Variants in MOV10 observed in about 807,000 individuals in gnomAD.
MOV10 encodes RNA helicase MOV-10.
In MOV10, 39 loss-of-function variants were observed where a neutral mutation model predicts 108.4. The ratio of observed to expected loss-of-function variants is 0.36; its 90% CI spans 0.28 to 0.47. MOV10 has a LOEUF of 0.47. MOV10 is among the 20% of genes least tolerant of loss of function. The pLI is 1.00. For missense variants in MOV10, 952 were observed against 1,297.6 expected (o/e 0.73, Z 4.09); for synonymous variants, 490 against 523.1 (o/e 0.94, Z 0.86).
rs763074995 is a variant in MOV10, at chr1:112,700,461, G to A, written c.2966G>A (p.Gly989Glu). 3.1e-6 allele frequency: 5 copies of A among 1,613,922 alleles called. No homozygotes were observed. The Admixed American group carries it at 8.3e-5, about 27-fold the overall frequency. ...DYLPQEREGE[G>E]GLSLQVEPEW... ...CTCCCCCAGGAGCGGGAGGGTGAAG[G>A]GGGCCTGTCTCTGCAAGTGGAGCCA... The change falls in exon 21 of 21, where the codon GGG becomes GAG. Residue 989 changes from glycine to glutamate, a missense_variant. Coordinates refer to ENST00000369645, the MANE Select transcript of MOV10 (RefSeq NM_001321324.2).
chr1:112,688,523 A>C, intron 2 of MOV10: 1 of 1,091,622 alleles, frequency 9.2e-7, no homozygotes, highest in Non-Finnish European at 1.1e-6. Context: ...CTCTGAATCA[A>C]ATCATTCCGC....
chr1:112,695,295 C>A, intron 10 of MOV10, 121 bp from the exon 11 acceptor site: 1 of 961,380 alleles, frequency 1.0e-6, no homozygotes, highest in Non-Finnish European at 1.6e-6. Flanking sequence ...ACGGGTAGGG[C>A]ACTGCATGAA....
chr1:112,694,264 C>A lies in MOV10; in HGVS notation c.1295+92C>A, dbSNP rs1673855493. 5.9e-6 allele frequency: 9 copies of A among 1,526,618 alleles called. No individual in the cohort carries two copies. The South Asian group carries it at 1.0e-4, about 18-fold the overall frequency. 94.6% of individuals were successfully genotyped at this position (1,526,618 alleles called of 1,614,324 possible). ...GTGTTTCTCCCTGAGATAAATGAGACCCCGGGGCAGAGCAGGAGACTTTTC... is the reference window on the plus strand; with the variant it reads ...GTGTTTCTCCCTGAGATAAATGAGAACCCGGGGCAGAGCAGGAGACTTTTC... On this transcript the variant is annotated intron_variant, in intron 8 of 20. Transcript: ENST00000369645. This position sits in a 1 kb window ranked among gnomAD's most constrained non-coding sequence, Gnocchi z 4.1.
intron 19 of MOV10, 112 bp from the exon 20 acceptor site, chr1:112,700,107 C>T: frequency 1.3e-6 from 2 of 1,588,432 alleles, no homozygotes; most frequent in African/African-American, 1.3e-5. Flanking sequence ...CACAGCATCA[C>T]TATTGTATTT....
Position 112,694,434 on chromosome 1 carries a change from C to A in MOV10, c.1296-19C>A. 6.2e-7 allele frequency: 1 copy of A among 1,613,670 alleles called. No homozygotes were observed. The highest frequency in any genetic ancestry group is 8.5e-7 in the Non-Finnish European group (1 of 1,179,972). ...CTCCCCTGCCCCAACAAACTCTTAC[C>A]ACCTCTCTCTGCCCAAAGCCTCCTG... On this transcript the variant is annotated intron_variant, in intron 8 of 20. Transcript: ENST00000369645. This position sits in a 1 kb window ranked among gnomAD's most constrained non-coding sequence, Gnocchi z 4.1.
At chr1:112,688,301 A>G in intron 2 of MOV10, 1 of 975,820 alleles carries the variant, frequency 1.0e-6, no homozygotes, top group Non-Finnish European at 1.2e-6. Flanking sequence ...CCTTCTGACC[A>G]GTTTTCCCTG....
At chr1:112,685,669 A>AATAAC (rs1673018618) in intron 2 of MOV10, among the ~76,000 whole-genome samples, 1 of 150,820 alleles carries the variant, frequency 6.6e-6, no homozygotes, top group African/African-American at 2.4e-5. Flanking sequence ...AATAAAATAA[A>AATAAC]ATAAAATAAA....
chr1:112,686,666 T>C (rs981947461), intron 2 of MOV10, among the ~76,000 whole-genome samples: 2 of 152,212 alleles, frequency 1.3e-5, no homozygotes, highest in Non-Finnish European at 1.5e-5. Flanking sequence ...AAACGCATCA[T>C]ATCCAAATCC....
chr1:112,697,500 G>C lies in MOV10; in HGVS notation c.2199-494G>C, dbSNP rs191097286. Among the ~76,000 whole-genome samples the C allele has an allele frequency of 5.3e-5, 8 of 152,170 alleles. No individual in the cohort carries two copies. In the East Asian group the frequency reaches 1.5e-3, roughly 29 times the overall value. On this transcript the variant is annotated intron_variant, in intron 14 of 20. Transcript: ENST00000369645. ...AAGAAAGAAAAATAGGGAAGATACA[G>C]TTTTTTCATAAACCTATTGTTATTC...
chr1:112,694,271 G>A lies in MOV10; in HGVS notation c.1295+99G>A. On this transcript the variant is annotated intron_variant, in intron 8 of 20. Transcript: ENST00000369645. This position sits in a 1 kb window ranked among gnomAD's most constrained non-coding sequence, Gnocchi z 4.1. ...TCCCTGAGATAAATGAGACCCCGGGGCAGAGCAGGAGACTTTTCCTCAGGG... is the reference window on the plus strand; with the variant it reads ...TCCCTGAGATAAATGAGACCCCGGGACAGAGCAGGAGACTTTTCCTCAGGG... 6.6e-7 allele frequency: 1 copy of A among 1,509,960 alleles called. No homozygotes were observed. The highest frequency in any genetic ancestry group is 1.2e-5 in the South Asian group (1 of 85,296). The allele number at this position is 1,509,960 out of a possible 1,614,324, so 93.5% of individuals were successfully genotyped here. A position where few individuals can be genotyped will look rare whatever the true frequency, so the allele number is the denominator to read the frequency against.
chr1:112,688,239 T>G, intron 2 of MOV10: 1 of 484,720 alleles, frequency 2.1e-6, no homozygotes, highest in Non-Finnish European at 2.7e-6. Flanking sequence ...TCCGTAAGTG[T>G]TTGTTGAATT....
rs1672132090 is a variant in MOV10, at chr1:112,675,532, A to T, written c.137+483A>T. ...GGCGCTGCTGCCTCGGGGGTCCGCT[A>T]TCTGGGAGAACTGAAGAGGCCCAGG... On this transcript the variant is annotated intron_variant, in intron 2 of 20. Coordinates refer to ENST00000369645, the MANE Select transcript of MOV10 (RefSeq NM_001321324.2). The surrounding 1 kb of genome is among the most constrained non-coding windows in gnomAD (Gnocchi z 4.7). Among the ~76,000 whole-genome samples the T allele has an allele frequency of 6.6e-6, 1 of 152,192 alleles. No homozygotes were observed. The highest frequency in any genetic ancestry group is 2.4e-5 in the African/African-American group (1 of 41,446).
rs147402076 is a variant in MOV10, at chr1:112,682,617, G to A, written c.138-6318G>A. On this transcript the variant is annotated intron_variant, in intron 2 of 20. Transcript: ENST00000369645. ...TCACATCACTCCAGAAAGCTCCCTC[G>A]TGCCCTTTCCTAGTCAGTCCTCACT... 2.2e-3 allele frequency among the ~76,000 whole-genome samples: 330 copies of A among 152,244 alleles called. 2 individuals are homozygous for A. Among genetic ancestry groups the A allele is most frequent in the African/African-American group, 6.9e-3 (286 of 41,538 alleles).
In MOV10 at chr1:112,694,297, G is replaced by T; in HGVS notation, c.1295+125G>T. The T allele has an allele frequency of 3.5e-6, 5 of 1,408,988 alleles. No homozygotes were observed. Among genetic ancestry groups the T allele is most frequent in the Admixed American group, 1.8e-5 (1 of 54,430 alleles). The allele number at this position is 1,408,988 out of a possible 1,614,324, so 87.3% of individuals were successfully genotyped here. A position where few individuals can be genotyped will look rare whatever the true frequency, so the allele number is the denominator to read the frequency against. ...CAGAGCAGGAGACTTTTCCTCAGGG[G>T]TACCCTGAGATGCTACGGCAGCTTC... On this transcript the variant is annotated intron_variant, in intron 8 of 20. Coordinates refer to ENST00000369645, the MANE Select transcript of MOV10 (RefSeq NM_001321324.2). This position sits in a 1 kb window ranked among gnomAD's most constrained non-coding sequence, Gnocchi z 4.1.
At chr1:112,693,802 A>G (rs1673814371) in intron 7 of MOV10, 3 of 464,244 alleles carry the variant, frequency 6.5e-6, no homozygotes, top group Non-Finnish European at 1.2e-5. Context: ...TGGGCTCGGC[A>G]TCTCTGGGCA....
rs1323511187 is a variant in MOV10 at position 112,698,448 on chromosome 1, T to C, written c.2478T>C (p.Ser826=). ...KKGKARLSPR[S]VGVISPYRKQ... ...GCAAAGCTCGCCTGAGCCCTCGAAG[T>C]GTGGGCGTCATCTCCCCGTACCGGA... The change falls in exon 16 of 21, where the codon AGT becomes AGC. Residue 826 remains serine (S), a synonymous_variant. Transcript: ENST00000369645. 9.9e-6 allele frequency: 16 copies of C among 1,613,952 alleles called. No homozygotes were observed. Among genetic ancestry groups the C allele is most frequent in the African/African-American group, 4.0e-5 (3 of 74,890 alleles).
intron 14 of MOV10, chr1:112,697,773 T>C (rs1480686189): frequency 1.8e-6 from 1 of 564,516 alleles, no homozygotes; most frequent in Non-Finnish European, 3.2e-6. Context: ...GTCATGGGTC[T>C]GTGGAGTCCC....
chr1:112,676,107 A>G (rs1236284014), intron 2 of MOV10, among the ~76,000 whole-genome samples: 1 of 152,224 alleles, frequency 6.6e-6, no homozygotes, highest in Non-Finnish European at 1.5e-5. Flanking sequence ...GGAGAGGGAT[A>G]TTAACAGGCT....
intron 11 of MOV10, 79 bp from the exon 12 acceptor site, chr1:112,696,069 G>T (rs368790270): frequency 4.8e-5 from 44 of 925,644 alleles, no homozygotes; most frequent in Non-Finnish European, 6.6e-5. Context: ...AATTGTTTGA[G>T]GGGGGGTACC....
Sources: gnomAD v4.1 joint callset for allele counts (sites outside exome capture counted in the v4.1 genomes callset) on GRCh38, gnomAD v4.1.1 for gene constraint, Gnocchi (gnomAD v3.1) non-coding constraint, MANE v1.5 for transcripts, NCBI Gene and HGNC (gene_info 2026-07-23, HGNC 2026-07-21) for gene names.